Variants in CDYL observed in about 807,000 individuals in gnomAD.
CDYL encodes the protein chromodomain Y-like protein.
In CDYL, 8 loss-of-function variants were observed where a neutral mutation model predicts 47.3. The observed-to-expected ratio is 0.17, with a 90% confidence interval of 0.10 to 0.31. The LOEUF (loss-of-function observed/expected upper bound fraction) is 0.31, where lower values mean the gene tolerates loss of function less well. CDYL is among the 10% of genes least tolerant of loss of function. The pLI is 1.00. For missense variants in CDYL, 471 were observed against 701.4 expected (o/e 0.67, Z 3.71); for synonymous variants, 266 against 265.0 (o/e 1.00, Z -0.04).
At chr6:4,788,634 C>T (rs974390616) in intron 1 of CDYL, among the ~76,000 whole-genome samples, 3 of 151,886 alleles carry the variant, frequency 2.0e-5, no homozygotes, top group Admixed American at 6.6e-5. Context: ...GATTGAAACA[C>T]CACCCCTCCC....
In CDYL at chr6:4,757,983, G is replaced by A. The variant is rs376376751; in HGVS notation, c.186+23139G>A. ...ATCTGTAAAAATTTTTTAAAAACAA[G>A]TTTCCTAATTTGTTAATTTCATTTT... On this transcript the variant is annotated intron_variant, in intron 3 of 8. Coordinates refer to the CDYL transcript ENST00000328908. 7.2e-5 allele frequency among the ~76,000 whole-genome samples: 11 copies of A among 152,232 alleles called. No individual in the cohort carries two copies. The East Asian group carries it at 1.3e-3, about 19-fold the overall frequency.
chr6:4,864,754 A>G (rs184829692), intron 1 of CDYL, among the ~76,000 whole-genome samples: 7 of 152,274 alleles, frequency 4.6e-5, no homozygotes, highest in Admixed American at 6.5e-5. Flanking sequence ...ACCTCCCACC[A>G]TGATTCTGAG....
At chr6:4,734,879 G>A in intron 3 of CDYL, 2 of 1,612,716 alleles carry the variant, frequency 1.2e-6, no homozygotes, top group Non-Finnish European at 1.7e-6. Context: ...CAAGCTTGGA[G>A]TCCATCTGGC....
At chr6:4,905,928 C>T (rs1055790236) in intron 2 of CDYL, among the ~76,000 whole-genome samples, 1 of 152,202 alleles carries the variant, frequency 6.6e-6, no homozygotes, top group Non-Finnish European at 1.5e-5. Context: ...TGAGTAATTT[C>T]TTACATAGGA....
upstream of CDYL, among the ~76,000 whole-genome samples, chr6:4,771,957 G>T (rs1361175470): frequency 6.6e-6 from 1 of 152,122 alleles, no homozygotes; most frequent in African/African-American, 2.4e-5. Context: ...CAAAAATGGG[G>T]TAATGTATAA....
intron 5 of CDYL, among the ~76,000 whole-genome samples, chr6:4,945,440 A>G (rs554327389): frequency 3.3e-5 from 5 of 152,108 alleles, no homozygotes; most frequent in Non-Finnish European, 7.4e-5. Context: ...ACCTTCTCAC[A>G]CCCCAGGGTA....
intron 1 of CDYL, among the ~76,000 whole-genome samples, chr6:4,862,250 A>G (rs745581630): frequency 3.3e-5 from 5 of 152,234 alleles, no homozygotes; most frequent in Non-Finnish European, 7.3e-5. Context: ...TAGCTTTGAA[A>G]TAAATATTTG....
chr6:4,710,095 A>G (rs1471287430), intron 1 of CDYL, among the ~76,000 whole-genome samples: 1 of 151,886 alleles, frequency 6.6e-6, no homozygotes, highest in Non-Finnish European at 1.5e-5. Context: ...GGTGGCATGC[A>G]CCTGTAATCC....
chr6:4,915,768 C>T (rs972800981), intron 2 of CDYL, among the ~76,000 whole-genome samples: 1 of 152,218 alleles, frequency 6.6e-6, no homozygotes, highest in African/African-American at 2.4e-5. Context: ...TAGAGAATCT[C>T]CTTCCCTTAC....
Position 4,943,399 on chromosome 6 carries a change from C to T in CDYL, c.1122-147C>T, listed in dbSNP as rs1027853937. 3 of 629,276 alleles carry T rather than the reference C, an allele frequency of 4.8e-6. 1 individual carries two copies. The highest frequency in any genetic ancestry group is 8.3e-6 in the Non-Finnish European group (3 of 363,364). The allele number at this position is 629,276 out of a possible 1,614,324, so 39.0% of individuals were successfully genotyped here. On this transcript the variant is annotated intron_variant, in intron 4 of 6. Transcript: ENST00000397588. ...ACGTAGTAAATAAGTCTAGGGTCCACAACTGCTGGGGAAGGCCTTAAACAA... is the reference window on the plus strand; with the variant it reads ...ACGTAGTAAATAAGTCTAGGGTCCATAACTGCTGGGGAAGGCCTTAAACAA...
At position 4,718,295 on chromosome 6, in the gene CDYL, CGTTT is replaced by C. The variant is rs1431764461; in HGVS notation, c.103+2420_103+2423del. 4.6e-5 allele frequency among the ~76,000 whole-genome samples: 7 copies of C among 151,504 alleles called. No individual in the cohort carries two copies. In the East Asian group the frequency reaches 9.7e-4, roughly 21 times the overall value. On this transcript the variant is annotated intron_variant, in intron 2 of 8. Transcript: ENST00000328908. ...GTGGTGGTGGTTTTTTTCTGTTTTT[CGTTT>C]GTTTGGTTGTTTTTTGTTGCCCAAG...
intron 2 of CDYL, among the ~76,000 whole-genome samples, chr6:4,724,169 T>G (rs1456013844): frequency 1.3e-5 from 2 of 152,154 alleles, no homozygotes; most frequent in Non-Finnish European, 1.5e-5. Context: ...GCTTCCGAAG[T>G]AGCTGGGACC....
At chr6:4,751,902 T>G (rs780387335) in intron 3 of CDYL, among the ~76,000 whole-genome samples, 4 of 152,224 alleles carry the variant, frequency 2.6e-5, no homozygotes, top group Non-Finnish European at 4.4e-5. Context: ...GGGGTGTCTT[T>G]CCTGCGACTG....
rs1211523006 is a variant in CDYL, at chr6:4,832,244, A to C, written c.24+55437A>C. Reference sequence around the variant, plus strand: ...AGATAGCTCTTATTATTTTGAGATAAGTCCCATCAATACCTAATTTATTGA... The same window carrying C: ...AGATAGCTCTTATTATTTTGAGATACGTCCCATCAATACCTAATTTATTGA... On this transcript the variant is annotated intron_variant, in intron 1 of 6. Transcript: ENST00000397588. Among the ~76,000 whole-genome samples the C allele has an allele frequency of 8.5e-5, 13 of 152,130 alleles. No individual in the cohort carries two copies. In the East Asian group the frequency reaches 2.3e-3, roughly 27 times the overall value.
chr6:4,865,390 C>T (rs553140246), intron 1 of CDYL, among the ~76,000 whole-genome samples: 15 of 152,324 alleles, frequency 9.8e-5, no homozygotes, highest in Admixed American at 9.1e-4. Context: ...AGTAGGGGCT[C>T]CCTGCATCAG....
At chr6:4,799,414 T>A (rs1001712458) in intron 1 of CDYL, among the ~76,000 whole-genome samples, 2 of 152,204 alleles carry the variant, frequency 1.3e-5, no homozygotes, top group Admixed American at 1.3e-4. Flanking sequence ...CCAGCTAAAC[T>A]ACAGTTGGTA....
Position 4,892,011 on chromosome 6 carries a change from A to G in CDYL, c.323A>G (p.Lys108Arg). 2 of 1,614,196 alleles carry G rather than the reference A, an allele frequency of 1.2e-6. No homozygotes were observed. Among genetic ancestry groups the G allele is most frequent in the South Asian group, 1.1e-5 (1 of 91,086 alleles). ...GTGATTGGGAAAGACCACGAATCCAAAAACAGCCAGCTGTTTGCTGCCAGC... is the reference window on the plus strand; with the variant it reads ...GTGATTGGGAAAGACCACGAATCCAGAAACAGCCAGCTGTTTGCTGCCAGC... ...ALVIGKDHES[K>R]NSQLFAASQK... The change falls in exon 2 of 7, where the codon AAA becomes AGA. Residue 108 changes from lysine (K) to arginine (R), a missense_variant. Physicochemically the swap from Lys to Arg is conservative, Grantham distance 26. Coordinates refer to ENST00000397588, the MANE Select transcript of CDYL (RefSeq NM_004824.4).
At chr6:4,757,509 A>G (rs1360310168) in intron 3 of CDYL, among the ~76,000 whole-genome samples, 1 of 152,182 alleles carries the variant, frequency 6.6e-6, no homozygotes, top group African/African-American at 2.4e-5. Flanking sequence ...ATCTAGCCCA[A>G]GCTCTTTGTT....
chr6:4,857,042 C>A (rs2127466523), intron 1 of CDYL, among the ~76,000 whole-genome samples: 1 of 152,278 alleles, frequency 6.6e-6, no homozygotes, highest in Admixed American at 6.5e-5. Flanking sequence ...GGCAACTTGC[C>A]TTCATCTTTC....
Sources: allele counts gnomAD v4.1 joint callset (sites outside exome capture counted in the v4.1 genomes callset), GRCh38; gene constraint gnomAD v4.1.1; transcripts MANE v1.5; gene names NCBI Gene and HGNC (gene_info 2026-07-23, HGNC 2026-07-21).